Variants in RAPGEF5 observed in about 807,000 individuals in gnomAD.
RAPGEF5 encodes Rap guanine nucleotide exchange factor 5.
RAPGEF5 carries 65 observed loss-of-function variants against 125.2 expected under a neutral mutation model. The observed-to-expected ratio is 0.52, with a 90% confidence interval of 0.43 to 0.64. The LOEUF (loss-of-function observed/expected upper bound fraction) is 0.64. Among genes scored for constraint, RAPGEF5 ranks in the 30% least tolerant of loss-of-function variants. The pLI is 0.00. For synonymous variants in RAPGEF5, 391 were observed against 385.9 expected (o/e 1.01, Z -0.16); for missense variants, 958 against 1,048.1 (o/e 0.91, Z 1.19).
chr7:22,308,550 A>T, intron 4 of RAPGEF5, 43 bp from the exon 5 acceptor site: 1 of 1,389,186 alleles, frequency 7.2e-7, no homozygotes, highest in South Asian at 1.5e-5. Flanking sequence ...TTTAAAAGAT[A>T]TTACTCAGAG....
chr7:22,287,177 T>C (rs1782818146), intron 6 of RAPGEF5, among the ~76,000 whole-genome samples: 1 of 152,244 alleles, frequency 6.6e-6, no homozygotes, highest in Non-Finnish European at 1.5e-5. Flanking sequence ...TTTCTGTATG[T>C]CTGACACTTG....
intron 1 of RAPGEF5, chr7:22,356,617 G>T (rs3213677): frequency 2.7e-4 from 55 of 201,820 alleles, no homozygotes; most frequent in East Asian, 5.5e-4. Flanking sequence ...GCAGCCTGGT[G>T]GGGGGGAGGT....
intron 18 of RAPGEF5, 121 bp from the exon 19 acceptor site, chr7:22,147,140 A>G: frequency 1.6e-6 from 2 of 1,283,350 alleles, no homozygotes; most frequent in Non-Finnish European, 1.1e-6. Flanking sequence ...AGTGCACTTA[A>G]TATTTTCCCT....
chr7:22,334,260 G>C (rs531979960), intron 1 of RAPGEF5, among the ~76,000 whole-genome samples: 3 of 143,864 alleles, frequency 2.1e-5, no homozygotes, highest in East Asian at 4.1e-4. Context: ...CAAAACAATA[G>C]GAGGAAAGAG....
chr7:22,260,133 A>C (rs142809541), intron 7 of RAPGEF5, among the ~76,000 whole-genome samples: 1 of 152,194 alleles, frequency 6.6e-6, no homozygotes, highest in Non-Finnish European at 1.5e-5. Flanking sequence ...AGAGGAACAT[A>C]GAGTTGAATA....
At chr7:22,131,295 A>T (rs548286192) in intron 23 of RAPGEF5, among the ~76,000 whole-genome samples, 194 bp from the exon 24 acceptor site, 1 of 152,208 alleles carries the variant, frequency 6.6e-6, no homozygotes, top group African/African-American at 2.4e-5. Context: ...GTGTGTGTGT[A>T]TATGTGTGTG....
At chr7:22,152,617 T>A (rs1189533379) in intron 17 of RAPGEF5, among the ~76,000 whole-genome samples, 8 of 152,244 alleles carry the variant, frequency 5.3e-5, no homozygotes, top group Non-Finnish European at 1.0e-4. Flanking sequence ...ATGATACTAT[T>A]GTTCCTTTTA....
At chr7:22,244,435 C>T (rs1395071703) in intron 7 of RAPGEF5, among the ~76,000 whole-genome samples, 4 of 151,988 alleles carry the variant, frequency 2.6e-5, no homozygotes, top group South Asian at 2.1e-4. Context: ...GGATCAGTAG[C>T]GGCATTAGAT....
intron 1 of RAPGEF5, among the ~76,000 whole-genome samples, chr7:22,348,458 A>G (rs533026236): frequency 2.0e-5 from 3 of 152,370 alleles, no homozygotes; most frequent in African/African-American, 7.2e-5. Flanking sequence ...CCTGGGTTAC[A>G]AGGAACTCAT....
chr7:22,347,872 A>C (rs1245689905), intron 1 of RAPGEF5, among the ~76,000 whole-genome samples: 2 of 152,248 alleles, frequency 1.3e-5, no homozygotes, highest in African/African-American at 4.8e-5. Flanking sequence ...AATAGTTATC[A>C]TCATTTTCAG....
At chr7:22,166,180 GCCTC>G (rs1321233342) in intron 12 of RAPGEF5, among the ~76,000 whole-genome samples, 2 of 150,390 alleles carry the variant, frequency 1.3e-5, no homozygotes, top group Non-Finnish European at 3.0e-5. Flanking sequence ...TCCCACCTTG[GCCTC>G]CCAAAGTGCT....
intron 7 of RAPGEF5, among the ~76,000 whole-genome samples, chr7:22,246,559 C>T (rs987045987): frequency 6.6e-6 from 1 of 152,052 alleles, no homozygotes; most frequent in African/African-American, 2.4e-5. Flanking sequence ...CTACCTTTTA[C>T]CATTTATAAA....
At chr7:22,156,712 C>G (rs908590195) in intron 16 of RAPGEF5, 98 bp downstream of exon 16, 14 of 1,568,732 alleles carry the variant, frequency 8.9e-6, no homozygotes, top group South Asian at 7.2e-5. Context: ...GGGGTGACAG[C>G]TGGAAATGAA....
chr7:22,299,677 C>G (rs752966964), intron 5 of RAPGEF5, among the ~76,000 whole-genome samples: 7 of 152,060 alleles, frequency 4.6e-5, no homozygotes, highest in Admixed American at 1.3e-4. Flanking sequence ...AGTCAGCTAG[C>G]AAAAAATTCT....
intron 7 of RAPGEF5, among the ~76,000 whole-genome samples, chr7:22,243,797 T>C (rs77848125): frequency 0.011 from 1,674 of 152,294 alleles, 28 homozygotes; most frequent in African/African-American, 0.038. Context: ...TGAGAATCTA[T>C]TCTTTTAGTA....
At chr7:22,272,923 ATTTG>A (rs1782469218) in intron 6 of RAPGEF5, among the ~76,000 whole-genome samples, 1 of 151,514 alleles carries the variant, frequency 6.6e-6, no homozygotes, top group African/African-American at 2.4e-5. Context: ...TGCCCAGCTA[ATTTG>A]TTTGTATGTT....
intron 7 of RAPGEF5, among the ~76,000 whole-genome samples, chr7:22,256,505 C>T (rs1786764947): frequency 1.3e-5 from 2 of 152,034 alleles, no homozygotes; most frequent in Non-Finnish European, 2.9e-5. Context: ...CGCAAAGACA[C>T]GTAATGACAA....
At chr7:22,347,575 C>G (rs549494473) in intron 1 of RAPGEF5, among the ~76,000 whole-genome samples, 1 of 152,214 alleles carries the variant, frequency 6.6e-6, no homozygotes, top group African/African-American at 2.4e-5. Flanking sequence ...AAAAAAGAGA[C>G]TCTAATCAAG....
intron 11 of RAPGEF5, among the ~76,000 whole-genome samples, chr7:22,173,550 T>C (rs879549179): frequency 2.0e-5 from 3 of 152,232 alleles, no homozygotes; most frequent in African/African-American, 7.2e-5. Context: ...AGGAACTTAC[T>C]ACAGACAGGG....
Sources: allele counts gnomAD v4.1 joint callset (sites outside exome capture counted in the v4.1 genomes callset), GRCh38; gene constraint gnomAD v4.1.1; transcripts MANE v1.5; gene names NCBI Gene and HGNC (gene_info 2026-07-23, HGNC 2026-07-21).